The following TIE1 variants were observed in gnomAD, a reference collection of about 807,000 sequenced individuals.
TIE1 encodes the protein tyrosine-protein kinase receptor Tie-1.
Under a neutral mutation model 130.5 loss-of-function variants are expected in TIE1, and 89 were observed. The ratio of observed to expected loss-of-function variants is 0.68; its 90% confidence interval spans 0.57 to 0.81. The LOEUF (loss-of-function observed/expected upper bound fraction) is 0.81, where lower values mean the gene tolerates loss of function less well. Ranked by LOEUF, TIE1 falls within the 40% of genes least tolerant of loss-of-function variation. The pLI is 0.00. For synonymous variants in TIE1, 568 were observed against 629.4 expected, an observed-to-expected ratio of 0.90 and a Z score of 1.46; for missense variants, 1,392 against 1,559.8, an observed-to-expected ratio of 0.89 and a Z score of 1.81.
In TIE1 at chr1:43,312,357, G is replaced by A. The variant is rs773319928; in HGVS notation, c.1683G>A (p.Arg561=). 8.9e-6 allele frequency: 14 copies of A among 1,578,700 alleles called. No individual in the cohort carries two copies. In the Middle Eastern group the frequency reaches 1.0e-3, roughly 114 times the overall value. ...GCTGGCATGTGGAAGGCACTGACCG[G>A]CTGCGAGTGAGCTGGTCCTTGCCCT... ...LEGWHVEGTD[R]LRVSWSLPLV... The change falls in exon 12 of 23, where the codon CGG becomes CGA. Residue 561 remains arginine, a synonymous_variant. Transcript: ENST00000372476. The surrounding 1 kb of genome is among the most constrained non-coding windows in gnomAD (Gnocchi z 5.6).
chr1:43,304,898 C>A lies in TIE1; in HGVS notation c.106C>A (p.Pro36Thr). Residue 36 changes from proline (P) to threonine (T), a missense_variant, in exon 2 of 23, where the codon CCC becomes ACC. Physicochemically the swap from Pro to Thr is conservative, Grantham distance 38. Coordinates refer to ENST00000372476, the MANE Select transcript of TIE1 (RefSeq NM_005424.5). ...TLLANLRLTDPQRFFLTCVSG... is the reference protein window; with the variant it reads ...TLLANLRLTDTQRFFLTCVSG... ...GCTGGCCAACCTGCGGCTCACGGAC[C>A]CCCAGCGCTTCTTCCTGACTTGCGT... 3 of 1,431,186 alleles carry A rather than the reference C, an allele frequency of 2.1e-6. No individual in the cohort carries two copies. Among genetic ancestry groups the A allele is most frequent in the Non-Finnish European group, 2.7e-6 (3 of 1,098,430 alleles). The allele number at this position is 1,431,186 out of a possible 1,614,324, so 88.7% of individuals were successfully genotyped here.
At position 43,313,077 on chromosome 1, in the gene TIE1, C is replaced by T; in HGVS notation, c.1928-58C>T. On this transcript the variant is annotated intron_variant, in intron 12 of 22. Coordinates refer to ENST00000372476, the MANE Select transcript of TIE1 (RefSeq NM_005424.5). This position sits in a 1 kb window ranked among gnomAD's most constrained non-coding sequence, Gnocchi z 6.2. ...CACAGCTAGAGCAGATGTGTCCAGC[C>T]CCACAGCTACATAGCCCGGTCCTAT... 6.5e-7 allele frequency: 1 copy of T among 1,541,426 alleles called. No homozygotes were observed. Among genetic ancestry groups the T allele is most frequent in the Non-Finnish European group, 8.8e-7 (1 of 1,140,860 alleles).
chr1:43,321,884 C>T lies in TIE1; in HGVS notation c.3345+169C>T, dbSNP rs367817321. ...CCAGGATGCAGCCTGCCTTTCCAGC[C>T]CTCACTGGTTTAGACACCAGGCCCT... On this transcript the variant is annotated intron_variant, in intron 22 of 22. Coordinates refer to ENST00000372476, the MANE Select transcript of TIE1 (RefSeq NM_005424.5). Among the ~76,000 whole-genome samples the T allele has an allele frequency of 2.3e-4, 35 of 152,298 alleles. 1 individual carries two copies. In the South Asian group the frequency reaches 7.2e-3, roughly 32 times the overall value.
Position 43,307,313 on chromosome 1 carries a change from C to T in TIE1, c.772+40C>T. 6.2e-7 allele frequency: 1 copy of T among 1,613,718 alleles called. No homozygotes were observed. The highest frequency in any genetic ancestry group is 8.5e-7 in the Non-Finnish European group (1 of 1,179,898). ...AGCTAGGACCCAGGCAGGAGAGGAT[C>T]CCTGACTGGGAGAAGACCCTAGAAC... On this transcript the variant is annotated intron_variant, in intron 5 of 22. Coordinates refer to ENST00000372476, the MANE Select transcript of TIE1 (RefSeq NM_005424.5). This position sits in a 1 kb window ranked among gnomAD's most constrained non-coding sequence, Gnocchi z 5.4.
At position 43,322,796 on chromosome 1, in the gene TIE1, C is replaced by G; in HGVS notation, c.*74C>G. 7.0e-7 allele frequency: 1 copy of G among 1,427,176 alleles called. No individual in the cohort carries two copies. Among genetic ancestry groups the G allele is most frequent in the Non-Finnish European group, 9.8e-7 (1 of 1,025,430 alleles). 88.4% of individuals were successfully genotyped at this position (1,427,176 alleles called of 1,614,324 possible). On this transcript the variant is annotated 3_prime_UTR_variant, in exon 23 of 23. Transcript: ENST00000372476. This position sits in a 1 kb window ranked among gnomAD's most constrained non-coding sequence, Gnocchi z 4.0. ...TGTCTAACCTGTGACCAGTCTGACC[C>G]TTACAGCCTCTGACTTAAGCTGCCT...
In TIE1 at chr1:43,307,421, T is replaced by C; in HGVS notation, c.773-11T>C. 2 of 1,613,768 alleles carry C rather than the reference T, an allele frequency of 1.2e-6. No individual in the cohort carries two copies. Among genetic ancestry groups the C allele is most frequent in the Non-Finnish European group, 1.7e-6 (2 of 1,179,886 alleles). ...ACAGAGGCCCATACACCCCACACAC[T>C]CTCTTTCTAGCCTGCAGAGAGGGCC... On this transcript the variant is annotated splice_polypyrimidine_tract_variant and intron_variant, in intron 5 of 22. Coordinates refer to ENST00000372476, the MANE Select transcript of TIE1 (RefSeq NM_005424.5). The surrounding 1 kb of genome is among the most constrained non-coding windows in gnomAD (Gnocchi z 5.4).
rs1570447101 is a variant in TIE1 at position 43,315,643 on chromosome 1, G to A, written c.2410-1556G>A. On this transcript the variant is annotated intron_variant, in intron 14 of 22. Transcript: ENST00000372476. The surrounding 1 kb of genome is among the most constrained non-coding windows in gnomAD (Gnocchi z 4.4). ...CACTCCAGCCTGGATGACAGAGTGA[G>A]TGAGACTCCATCTCAAAAAAAAAAA... Among the ~76,000 whole-genome samples the A allele has an allele frequency of 1.3e-5, 2 of 152,128 alleles. No individual in the cohort carries two copies. Among genetic ancestry groups the A allele is most frequent in the South Asian group, 2.1e-4 (1 of 4,822 alleles).
rs1646818572 is a variant in TIE1, at chr1:43,313,224, C to T, written c.2017C>T (p.Pro673Ser). 6.2e-7 allele frequency: 1 copy of T among 1,613,962 alleles called. No homozygotes were observed. Among genetic ancestry groups the T allele is most frequent in the East Asian group, 2.2e-5 (1 of 44,872 alleles). The change falls in exon 13 of 23, where the codon CCA (proline) becomes TCA (serine). Residue 673 changes from proline (P) to serine (S), a missense_variant. This residue lies in a region of TIE1 where 551 missense variants were observed against 565.5 expected (regional missense o/e 0.97). Transcript: ENST00000372476. This position sits in a 1 kb window ranked among gnomAD's most constrained non-coding sequence, Gnocchi z 6.2. ...GAAGCACCCGGAGGCTCTGCCTGGG[C>T]CAATATCCAAGTACGTTGTGGAGGT... is the stretch of plus-strand genomic sequence containing the variant. ...TWKHPEALPG[P>S]ISKYVVEVQV...
Position 43,306,018 on chromosome 1 carries a change from A to G in TIE1, c.484+675A>G, listed in dbSNP as rs936072344. Among the ~76,000 whole-genome samples the G allele has an allele frequency of 1.8e-4, 28 of 152,166 alleles. No homozygotes were observed. Among genetic ancestry groups the G allele is most frequent in the African/African-American group, 5.8e-4 (24 of 41,424 alleles). ...CCTGAGCTCTGGACCCCGTGAATTG[A>G]CAGGAAATGTGAAGAGGCACAGGCA... On this transcript the variant is annotated intron_variant, in intron 3 of 22. Transcript: ENST00000372476. This position sits in a 1 kb window ranked among gnomAD's most constrained non-coding sequence, Gnocchi z 4.9.
intron 14 of TIE1, chr1:43,314,685 A>C (rs1198481579): frequency 2.5e-6 from 1 of 399,514 alleles, no homozygotes; most frequent in East Asian, 1.6e-4. Context: ...AAAATTAGCC[A>C]GGCGTGGTGG....
At position 43,309,627 on chromosome 1, in the gene TIE1, G is replaced by A. The variant is rs1646768942; in HGVS notation, c.1333+95G>A. On this transcript the variant is annotated intron_variant, in intron 9 of 22. Transcript: ENST00000372476. This position sits in a 1 kb window ranked among gnomAD's most constrained non-coding sequence, Gnocchi z 6.3. The stretch of plus-strand genomic sequence containing the variant: ...CTGGAGATACTAGCAGGAAGGACAA[G>A]GACATCTAAGGTCATAGCCTAGCAC... The A allele has an allele frequency of 1.4e-6, 2 of 1,441,248 alleles. No individual in the cohort carries two copies. The highest frequency in any genetic ancestry group is 2.5e-5 in the East Asian group (1 of 40,478). The allele number at this position is 1,441,248 out of a possible 1,614,324, so 89.3% of individuals were successfully genotyped here.
At position 43,317,856 on chromosome 1, in the gene TIE1, C is replaced by T. The variant is rs1398380306; in HGVS notation, c.2732-26C>T. Reference sequence around the variant, plus strand: ...CCCTAGGTTGCCTGTGTCTAAATCACCACTGTCTGTCTCTTTGCCTCTCAG... The same window carrying T: ...CCCTAGGTTGCCTGTGTCTAAATCATCACTGTCTGTCTCTTTGCCTCTCAG... On this transcript the variant is annotated intron_variant, in intron 16 of 22. Coordinates refer to ENST00000372476, the MANE Select transcript of TIE1 (RefSeq NM_005424.5). This position sits in a 1 kb window ranked among gnomAD's most constrained non-coding sequence, Gnocchi z 5.1. 2 of 1,611,898 alleles carry T rather than the reference C, an allele frequency of 1.2e-6. No individual in the cohort carries two copies. The highest frequency in any genetic ancestry group is 1.7e-6 in the Non-Finnish European group (2 of 1,178,676).
chr1:43,307,744 C>T lies in TIE1; in HGVS notation c.914-52C>T, dbSNP rs1188251035. 3.1e-6 allele frequency: 5 copies of T among 1,609,906 alleles called. No individual in the cohort carries two copies. The Admixed American group carries it at 8.3e-5, about 27-fold the overall frequency. On this transcript the variant is annotated intron_variant, in intron 6 of 22. Coordinates refer to ENST00000372476, the MANE Select transcript of TIE1 (RefSeq NM_005424.5). The surrounding 1 kb of genome is among the most constrained non-coding windows in gnomAD (Gnocchi z 5.4). ...GCCCCATCTGCGCCCTCATCTGTGCCCTCATTGCCCCCTGTCCCATGCCCC... is the reference window on the plus strand; with the variant it reads ...GCCCCATCTGCGCCCTCATCTGTGCTCTCATTGCCCCCTGTCCCATGCCCC...
In TIE1 at chr1:43,322,841, A is replaced by C; in HGVS notation, c.*119A>C. 1.1e-6 allele frequency: 1 copy of C among 947,152 alleles called. No individual in the cohort carries two copies. The allele number at this position is 947,152 out of a possible 1,614,324, so 58.7% of individuals were successfully genotyped here. A position where few individuals can be genotyped will look rare whatever the true frequency, so the allele number is the denominator to read the frequency against. ...CTGCCTCAAGGAATTTTTTTAACTTAAGGGAGAAAAAAAGGGATCTGGGGA... is the reference window on the plus strand; with the variant it reads ...CTGCCTCAAGGAATTTTTTTAACTTCAGGGAGAAAAAAAGGGATCTGGGGA... On this transcript the variant is annotated 3_prime_UTR_variant, in exon 23 of 23. Coordinates refer to ENST00000372476, the MANE Select transcript of TIE1 (RefSeq NM_005424.5). The surrounding 1 kb of genome is among the most constrained non-coding windows in gnomAD (Gnocchi z 4.0).
In TIE1 at chr1:43,307,059, T is replaced by A. The variant is rs1646736328; in HGVS notation, c.640+64T>A. On this transcript the variant is annotated intron_variant, in intron 4 of 22. Transcript: ENST00000372476. This position sits in a 1 kb window ranked among gnomAD's most constrained non-coding sequence, Gnocchi z 5.4. ...GGCTGGGAGCCCTATGGGTACTTCC[T>A]GTGGGTCCCCTGGAGCCCCTGGATC... 1 of 1,612,710 alleles carries A rather than the reference T, an allele frequency of 6.2e-7. No homozygotes were observed.
In TIE1 at chr1:43,309,526, G is replaced by T. The variant is rs181716929; in HGVS notation, c.1327G>T (p.Val443Leu). 6.3e-7 allele frequency: 1 copy of T among 1,585,266 alleles called. No homozygotes were observed. The highest frequency in any genetic ancestry group is 8.6e-7 in the Non-Finnish European group (1 of 1,167,992). Residue 443 changes from valine to leucine, a missense_variant, in exon 9 of 23, where the codon GTG becomes TTG. Transcript: ENST00000372476. This position sits in a 1 kb window ranked among gnomAD's most constrained non-coding sequence, Gnocchi z 6.3. ...AGACAGCCGGCGCTTCAAGGTCAAT[G>T]TGAAAGGTCAGTGATGTCCTAGGTC... ...GQDSRRFKVN[V>L]KVPPVPLAAP... is the part of the protein sequence containing the mutation.
At chr1:43,301,210 G>C (rs1181607127) in intron 1 of TIE1, 81 bp downstream of exon 1, 1 of 1,484,310 alleles carries the variant, frequency 6.7e-7, no homozygotes, top group South Asian at 1.3e-5. Context: ...TTTTATCATA[G>C]AGACAGAAAG....
rs1489263790 is a variant in TIE1, at chr1:43,309,551, C to G, written c.1333+19C>G. On this transcript the variant is annotated intron_variant, in intron 9 of 22. Transcript: ENST00000372476. This position sits in a 1 kb window ranked among gnomAD's most constrained non-coding sequence, Gnocchi z 6.3. ...GTGAAAGGTCAGTGATGTCCTAGGT[C>G]CACAGGGAATGGACGGTGAGCAGAG... 1 of 1,561,338 alleles carries G rather than the reference C, an allele frequency of 6.4e-7. No individual in the cohort carries two copies. The highest frequency in any genetic ancestry group is 2.2e-5 in the East Asian group (1 of 44,516).
At position 43,322,598 on chromosome 1, in the gene TIE1, A is replaced by G; in HGVS notation, c.3346-53A>G. On this transcript the variant is annotated intron_variant, in intron 22 of 22. Transcript: ENST00000372476. This position sits in a 1 kb window ranked among gnomAD's most constrained non-coding sequence, Gnocchi z 4.0. ...CACCACATGGAAGTCCAGGAGCTTG[A>G]GGCCAGATGCACCCCCATTCCTGGC... 1 of 1,466,308 alleles carries G rather than the reference A, an allele frequency of 6.8e-7. No homozygotes were observed. Among genetic ancestry groups the G allele is most frequent in the Non-Finnish European group, 9.6e-7 (1 of 1,047,098 alleles). The allele number at this position is 1,466,308 out of a possible 1,614,324, so 90.8% of individuals were successfully genotyped here. A position where few individuals can be genotyped will look rare whatever the true frequency, so the allele number is the denominator to read the frequency against.
Sources: gnomAD v4.1 joint callset for allele counts (sites outside exome capture counted in the v4.1 genomes callset) on GRCh38, gnomAD v4.1.1 for gene constraint, gnomAD v4.1.1 regional missense constraint, Gnocchi (gnomAD v3.1) non-coding constraint, MANE v1.5 for transcripts, NCBI Gene and HGNC (gene_info 2026-07-23, HGNC 2026-07-21) for gene names.